ANK2: variants seen among roughly 807,000 people sequenced by gnomAD.
The protein encoded by ANK2 is ankyrin 2.
Under a neutral mutation model 360.5 loss-of-function variants are expected in ANK2, and 83 were observed. That is an observed-to-expected ratio of 0.23 (90% CI 0.19 to 0.28). The LOEUF is 0.28. Among genes scored for constraint, ANK2 ranks in the 10% least tolerant of loss-of-function variants. ANK2 has a pLI of 1.00. For synonymous variants in ANK2, 1,740 were observed against 1,759.5 expected (o/e 0.99, Z 0.28); for missense variants, 4,201 against 4,795.7 (o/e 0.88, Z 3.66).
intron 4 of ANK2, among the ~76,000 whole-genome samples, chr4:113,205,235 CAA>C (rs369993364): frequency 4.7e-5 from 3 of 64,022 alleles, no homozygotes; most frequent in Admixed American, 2.2e-4. Context: ...GACTCCGTCT[CAA>C]AAAAAAAAAA....
At chr4:113,071,469 T>C (rs1486780511) in intron 1 of ANK2, among the ~76,000 whole-genome samples, 1 of 152,202 alleles carries the variant, frequency 6.6e-6, no homozygotes, top group African/African-American at 2.4e-5. Context: ...GGCTGTTGCC[T>C]ACCCTGGCTG....
the ANK2 span, among the ~76,000 whole-genome samples, chr4:112,725,798 T>C: frequency 7.9e-5 from 12 of 152,262 alleles, no homozygotes; most frequent in African/African-American, 2.9e-4. Context: ...AGTTGTTGTT[T>C]AATGGGTACA....
rs567728152 is a variant in ANK2 at position 113,242,645 on chromosome 4, T to G, written c.891+436T>G. On this transcript the variant is annotated intron_variant, in intron 9 of 45. Coordinates refer to ENST00000357077, the MANE Select transcript of ANK2 (RefSeq NM_001148.6). The stretch of plus-strand genomic sequence containing the variant: ...TATTCAATTCCTAATTCATTTTTCT[T>G]AAGCAGCTATGCTATACTGACCTGA... Among the ~76,000 whole-genome samples, 22 of 152,340 alleles carry G rather than the reference T, an allele frequency of 1.4e-4. No individual in the cohort carries two copies. In the South Asian group the frequency reaches 3.5e-3, roughly 24 times the overall value.
intron 13 of ANK2, among the ~76,000 whole-genome samples, chr4:113,261,719 G>C (rs1195763959): frequency 2.0e-5 from 3 of 152,020 alleles, no homozygotes; most frequent in Non-Finnish European, 4.4e-5. Flanking sequence ...CATAACCTTT[G>C]TTTGAATTTA....
chr4:112,861,017 C>T (rs2067829623), intron 1 of ANK2, among the ~76,000 whole-genome samples: 1 of 152,146 alleles, frequency 6.6e-6, no homozygotes, highest in Non-Finnish European at 1.5e-5. Context: ...ACATGAAAGC[C>T]ATGCATAAAT....
intron 2 of ANK2, among the ~76,000 whole-genome samples, chr4:112,910,163 T>C (rs758491383): frequency 6.6e-6 from 1 of 152,154 alleles, no homozygotes; most frequent in Non-Finnish European, 1.5e-5. Context: ...GCCTAATCAG[T>C]GAACTAAATC....
At chr4:112,751,189 C>T in the ANK2 span, among the ~76,000 whole-genome samples, 21 of 152,282 alleles carry the variant, frequency 1.4e-4, no homozygotes, top group South Asian at 4.1e-3. Context: ...CCCAACCTCC[C>T]CCTCCAAGGA....
chr4:112,808,606 A>C, the ANK2 span, among the ~76,000 whole-genome samples: 1 of 152,200 alleles, frequency 6.6e-6, no homozygotes, highest in African/African-American at 2.4e-5. Flanking sequence ...AAACAAGAAG[A>C]CAGAAACACC....
upstream of ANK2, among the ~76,000 whole-genome samples, chr4:113,046,948 T>C (rs1229769879): frequency 2.0e-5 from 3 of 152,208 alleles, no homozygotes; most frequent in Admixed American, 2.0e-4. Context: ...GCAGAGGTGA[T>C]GTCCAAGCAA....
At chr4:113,197,555 G>A (rs2098766609) in intron 3 of ANK2, among the ~76,000 whole-genome samples, 1 of 152,064 alleles carries the variant, frequency 6.6e-6, no homozygotes, top group African/African-American at 2.4e-5. Flanking sequence ...TCTCTAGATG[G>A]GACACTAGTC....
At chr4:113,183,947 TAGTTTAAAAG>T (rs57341110) in intron 2 of ANK2, among the ~76,000 whole-genome samples, 4,440 of 150,872 alleles carry the variant, frequency 0.029, 215 homozygotes, top group African/African-American at 0.1. Flanking sequence ...GGAAGAAAAA[TAGTTTAAAAG>T]AGTTTAAAAG....
In ANK2 at chr4:113,357,994, G is replaced by A. The variant is rs150935260; in HGVS notation, c.9376G>A (p.Asp3126Asn). The change falls in exon 38 of 46, where the codon GAT (aspartate) becomes AAT (asparagine). Residue 3126 changes from aspartate to asparagine, a missense_variant. This residue lies in a region of ANK2 where 2,642 missense variants were observed against 2,714.5 expected (regional missense o/e 0.97). Transcript: ENST00000357077. ...AIDMTKRSYA[D>N]ESFHFFQIGQ... The stretch of plus-strand genomic sequence containing the variant: ...TGATATGACCAAAAGGTCCTATGCA[G>A]ATGAAAGTTTTCACTTTTTCCAAAT... 1.2e-6 allele frequency: 2 copies of A among 1,614,042 alleles called. No homozygotes were observed. Among genetic ancestry groups the A allele is most frequent in the African/African-American group, 2.7e-5 (2 of 75,056 alleles).
chr4:112,778,511 A>G, the ANK2 span, among the ~76,000 whole-genome samples: 1 of 152,170 alleles, frequency 6.6e-6, no homozygotes, highest in Admixed American at 6.5e-5. Flanking sequence ...TTGAACAAAC[A>G]TCTGTGGAGG....
intron 1 of ANK2, among the ~76,000 whole-genome samples, chr4:113,121,502 G>A (rs78651265): frequency 0.19 from 29,144 of 151,978 alleles, 3,528 homozygotes; most frequent in East Asian, 0.5. Context: ...TTCGTGTTGG[G>A]ATTCTATCAA....
chr4:113,267,268 G>A (rs1399310361), intron 14 of ANK2, among the ~76,000 whole-genome samples: 1 of 152,124 alleles, frequency 6.6e-6, no homozygotes, highest in East Asian at 1.9e-4. Context: ...GATCCCATTT[G>A]TCAATTTTGG....
At chr4:113,281,987 T>C (rs2062585499) in intron 17 of ANK2, among the ~76,000 whole-genome samples, 1 of 152,206 alleles carries the variant, frequency 6.6e-6, no homozygotes, top group South Asian at 2.1e-4. Context: ...GATCATGTCA[T>C]GTTCACCATT....
chr4:112,711,912 C>G, the ANK2 span, among the ~76,000 whole-genome samples: 1 of 150,424 alleles, frequency 6.6e-6, no homozygotes, highest in Non-Finnish European at 1.5e-5. Flanking sequence ...TGCCTGGGTT[C>G]AAGCAATCCT....
intron 4 of ANK2, among the ~76,000 whole-genome samples, chr4:113,204,111 A>C (rs1020901759): frequency 6.6e-6 from 1 of 152,102 alleles, no homozygotes; most frequent in African/African-American, 2.4e-5. Context: ...GTTCTCATAT[A>C]AGAGAATTTT....
At position 113,242,247 on chromosome 4, in the gene ANK2, A is replaced by G. The variant is rs756547000; in HGVS notation, c.891+38A>G. 4 of 1,575,000 alleles carry G rather than the reference A, an allele frequency of 2.5e-6. No homozygotes were observed. The East Asian group carries it at 6.7e-5, about 26-fold the overall frequency. On this transcript the variant is annotated intron_variant, in intron 9 of 45. Transcript: ENST00000357077. Reference sequence around the variant, plus strand: ...GTTCTTTCAATTTTCTACCATTATTATTTCTTTCAAGCCTCATAGAAGGCA... The same window carrying G: ...GTTCTTTCAATTTTCTACCATTATTGTTTCTTTCAAGCCTCATAGAAGGCA...
Sources: allele counts gnomAD v4.1 joint callset (sites outside exome capture counted in the v4.1 genomes callset), GRCh38; gene constraint gnomAD v4.1.1; regional missense constraint gnomAD v4.1.1; transcripts MANE v1.5; gene names NCBI Gene and HGNC (gene_info 2026-07-23, HGNC 2026-07-21).